CNIH3: variants seen among roughly 807,000 people sequenced by gnomAD.
CNIH3 encodes cornichon family AMPA receptor auxiliary protein 3, also known as protein cornichon homolog 3.
CNIH3 carries 14 observed loss-of-function variants against 24.1 expected under a neutral mutation model. The ratio of observed to expected loss-of-function variants is 0.58; its 90% CI spans 0.38 to 0.91. The LOEUF is 0.91. Ranked by LOEUF, CNIH3 falls within the 40% of genes least tolerant of loss-of-function variation. The probability of loss-of-function intolerance (pLI) is 0.00; values close to 1 mark genes in which losing one functional copy is unlikely to be tolerated. For missense variants in CNIH3, 178 were observed against 196.8 expected, an observed-to-expected ratio of 0.90 and a Z score of 0.57; for synonymous variants, 68 against 73.8, an observed-to-expected ratio of 0.92 and a Z score of 0.40.
intron 2 of CNIH3, among the ~76,000 whole-genome samples, chr1:224,534,301 G>A (rs1357920718): frequency 1.3e-5 from 2 of 152,206 alleles, no homozygotes; most frequent in African/African-American, 2.4e-5. Flanking sequence ...TATGAAGAGT[G>A]TAAATGTTTG....
chr1:224,674,302 T>TTTTTTTTTTTTTTTTTTTTC (rs1686025458), intron 1 of CNIH3, among the ~76,000 whole-genome samples: 1 of 116,034 alleles, frequency 8.6e-6, no homozygotes, highest in African/African-American at 3.2e-5. Flanking sequence ...TTTTTTTTTT[T>TTTTTTTTTTTTTTTTTTTTC]TTTTTGCCAT....
chr1:224,484,326 C>A (rs746030951), intron 1 of CNIH3, among the ~76,000 whole-genome samples: 48 of 148,716 alleles, frequency 3.2e-4, no homozygotes, highest in Non-Finnish European at 3.9e-4. Flanking sequence ...GCTACTGGGG[C>A]GGCTGAGGCA....
intron 3 of CNIH3, among the ~76,000 whole-genome samples, chr1:224,597,896 T>C (rs1682052453): frequency 6.6e-6 from 1 of 152,186 alleles, no homozygotes; most frequent in Non-Finnish European, 1.5e-5. Context: ...GGGCGGGGAC[T>C]CAGCCCTCAA....
In CNIH3 at chr1:224,737,987, C is replaced by T. The variant is rs183751650; in HGVS notation, c.456-1342C>T. ...TTCCGACCTGAAGTAGTAGGACCAC[C>T]CTCCTGCGTGGTTATTCTGGATCAT... On this transcript the variant is annotated intron_variant, in intron 5 of 5. Coordinates refer to ENST00000272133, the MANE Select transcript of CNIH3 (RefSeq NM_152495.2). Among the ~76,000 whole-genome samples the T allele has an allele frequency of 2.2e-3, 337 of 152,310 alleles. 2 individuals carry two copies. The highest frequency in any genetic ancestry group is 3.9e-3 in the Non-Finnish European group (265 of 68,028).
chr1:224,536,868 GAA>G (rs1679306578), intron 2 of CNIH3: 1 of 152,196 alleles, frequency 6.6e-6, no homozygotes, highest in Admixed American at 6.5e-5. Context: ...AATCCTGAGG[GAA>G]GAGATTAGCG....
chr1:224,527,029 A>G (rs1678874739), intron 2 of CNIH3, among the ~76,000 whole-genome samples: 1 of 152,140 alleles, frequency 6.6e-6, no homozygotes, highest in African/African-American at 2.4e-5. Flanking sequence ...CGCCTCCAAC[A>G]TTGGGGATTA....
intron 1 of CNIH3, among the ~76,000 whole-genome samples, chr1:224,673,442 C>T (rs1685971006): frequency 6.6e-6 from 1 of 152,188 alleles, no homozygotes; most frequent in African/African-American, 2.4e-5. Context: ...ATGCCTCACA[C>T]CTGCCAAGCT....
In CNIH3 at chr1:224,681,106, A is replaced by C. The variant is rs1686378337; in HGVS notation, c.150+80A>C. 2 of 1,145,372 alleles carry C rather than the reference A, an allele frequency of 1.7e-6. 1 individual carries two copies. The highest frequency in any genetic ancestry group is 4.7e-5 in the East Asian group (2 of 42,630). The allele number at this position is 1,145,372 out of a possible 1,614,324, so 71.0% of individuals were successfully genotyped here. ...CCTGGGAAGGAGGGTGAGAATGTGA[A>C]TGATTTGAATGCGTAAAGAACATGC... On this transcript the variant is annotated intron_variant, in intron 2 of 5. Transcript: ENST00000272133.
chr1:224,576,358 G>A (rs537925697), intron 4 of CNIH3, among the ~76,000 whole-genome samples: 5 of 152,268 alleles, frequency 3.3e-5, no homozygotes, highest in East Asian at 3.9e-4. Flanking sequence ...AATAGTAAAA[G>A]CGAAGAGCTT....
At chr1:224,524,229 G>T (rs6687424) in intron 2 of CNIH3, among the ~76,000 whole-genome samples, 3,466 of 152,260 alleles carry the variant, frequency 0.023, 140 homozygotes, top group African/African-American at 0.079. Flanking sequence ...CCTCTCAGAG[G>T]GCAGAACCAG....
chr1:224,674,287 T>G (rs1346641405), intron 1 of CNIH3, among the ~76,000 whole-genome samples: 4 of 85,722 alleles, frequency 4.7e-5, no homozygotes, highest in Non-Finnish European at 9.7e-5. Flanking sequence ...TTTTTTTTTT[T>G]TTTTTTTTTT....
chr1:224,453,626 AT>A (rs35000156), intron 1 of CNIH3, among the ~76,000 whole-genome samples: 42 of 147,096 alleles, frequency 2.9e-4, no homozygotes, highest in African/African-American at 4.0e-4. Flanking sequence ...ACAAGGTGGG[AT>A]TTTTTTTTTT....
intron 1 of CNIH3, among the ~76,000 whole-genome samples, chr1:224,477,034 T>C (rs1676615578): frequency 6.6e-6 from 1 of 152,172 alleles, no homozygotes; most frequent in African/African-American, 2.4e-5. Flanking sequence ...ACCATGCCCC[T>C]GCAACAGCAC....
chr1:224,642,064 A>G (rs373557546), intron 1 of CNIH3, among the ~76,000 whole-genome samples: 2 of 152,240 alleles, frequency 1.3e-5, no homozygotes, highest in Non-Finnish European at 2.9e-5. Context: ...CCGTTTGGAC[A>G]TAACAAGATT....
At chr1:224,629,024 C>T (rs539703080) in intron 1 of CNIH3, among the ~76,000 whole-genome samples, 29 of 151,164 alleles carry the variant, frequency 1.9e-4, no homozygotes, top group South Asian at 8.5e-4. Context: ...TTTCACCCCC[C>T]GAGACAGAAT....
chr1:224,460,851 C>T (rs1418001560), intron 1 of CNIH3, among the ~76,000 whole-genome samples: 1 of 151,480 alleles, frequency 6.6e-6, no homozygotes, highest in East Asian at 1.9e-4. Flanking sequence ...CTCACTATGG[C>T]CTTAAACTCC....
rs75553558 is a variant in CNIH3 at position 224,529,943 on chromosome 1, A to G, written n.344-6993A>G. ...TGGGAACCAAGACTTTTTGGCCAACATGGACCCGAAGATCCATGGAGGGGA... is the reference window on the plus strand; with the variant it reads ...TGGGAACCAAGACTTTTTGGCCAACGTGGACCCGAAGATCCATGGAGGGGA... On this transcript the variant is annotated intron_variant and non_coding_transcript_variant, in intron 2 of 2. Transcript: ENST00000470602. Among the ~76,000 whole-genome samples the G allele has an allele frequency of 4.7e-3, 710 of 152,316 alleles. 5 individuals carry two copies. Among genetic ancestry groups the G allele is most frequent in the Admixed American group, 8.2e-3 (125 of 15,298 alleles).
At chr1:224,497,386 G>A (rs1677481304) in intron 1 of CNIH3, among the ~76,000 whole-genome samples, 1 of 152,156 alleles carries the variant, frequency 6.6e-6, no homozygotes, top group South Asian at 2.1e-4. Context: ...TTTAAAAAAT[G>A]ATAGATTTTA....
chr1:224,588,350 G>A (rs572417953), intron 5 of CNIH3: 1 of 152,234 alleles, frequency 6.6e-6, no homozygotes, highest in South Asian at 2.1e-4. Flanking sequence ...AGGCTGTCTG[G>A]ATTTTCTTAG....
Sources: allele counts gnomAD v4.1 joint callset (sites outside exome capture counted in the v4.1 genomes callset), GRCh38; gene constraint gnomAD v4.1.1; transcripts MANE v1.5; gene names NCBI Gene and HGNC (gene_info 2026-07-23, HGNC 2026-07-21).